The following PEX5 variants were observed in gnomAD, a reference collection of about 807,000 sequenced individuals.
PEX5 encodes the protein PTS1 receptor.
A neutral mutation model predicts 82.9 loss-of-function variants in PEX5; 52 were observed. The observed-to-expected ratio is 0.63, with a 90% CI of 0.50 to 0.79. The LOEUF (loss-of-function observed/expected upper bound fraction) is 0.79, where lower values mean the gene tolerates loss of function less well. Ranked by LOEUF, PEX5 falls within the 30% of genes least tolerant of loss-of-function variation. The pLI, the probability that PEX5 is intolerant of heterozygous loss-of-function variation, is 0.00. For synonymous variants in PEX5, 300 were observed against 318.8 expected, an observed-to-expected ratio of 0.94 and a Z score of 0.63; for missense variants, 719 against 815.2, an observed-to-expected ratio of 0.88 and a Z score of 1.44.
At position 7,203,198 on chromosome 12, in the gene PEX5, G is replaced by A. The variant is rs879492173; in HGVS notation, c.847-234G>A. 0.61 allele frequency among the ~76,000 whole-genome samples: 37,366 copies of A among 61,278 alleles called. 12,841 individuals carry two copies. Among genetic ancestry groups the A allele is most frequent in the Non-Finnish European group, 0.71 (17,419 of 24,654 alleles). The allele number at this position is 61,278 out of a possible 152,430, so 40.2% of individuals were successfully genotyped here. On this transcript the variant is annotated intron_variant, in intron 9 of 15. Transcript: ENST00000675855. Reference sequence around the variant, plus strand: ...ACTAAACTATGCACTGCACTGCACTGCACTGCACTGCACTGCACTGCACTA... The same window carrying A: ...ACTAAACTATGCACTGCACTGCACTACACTGCACTGCACTGCACTGCACTA...
intron 6 of PEX5, 95 bp downstream of exon 6, chr12:7,199,208 TC>T (rs1185025574): frequency 2.7e-5 from 15 of 552,732 alleles, no homozygotes; most frequent in South Asian, 5.5e-5. Context: ...CTTACTTTAT[TC>T]TTTTTTTTTT....
chr12:7,202,618 T>G lies in PEX5; in HGVS notation c.760T>G (p.Ser254Ala), dbSNP rs748822699. Residue 254 changes from serine (S) to alanine (A), a missense_variant, in exon 9 of 16, where the codon TCA becomes GCA. Physicochemically the swap from Ser to Ala is moderately conservative, Grantham distance 99. Coordinates refer to ENST00000675855, the MANE Select transcript of PEX5 (RefSeq NM_001351132.2). ...CCATCCTTTTTTGTCGCAGGGTACA[T>G]CAGATGCCTGGGTTGACCAGTTCAC... ...AAEFIQQQGT[S>A]DAWVDQFTRP... The G allele has an allele frequency of 1.2e-6, 2 of 1,613,950 alleles. No individual in the cohort carries two copies. Among genetic ancestry groups the G allele is most frequent in the South Asian group, 2.2e-5 (2 of 91,078 alleles).
At position 7,207,736 on chromosome 12, in the gene PEX5, G is replaced by A. The variant is rs746001175; in HGVS notation, c.1044G>A (p.Glu348=). The change falls in exon 11 of 16, where the codon GAG becomes GAA. Residue 348 remains glutamate, a synonymous_variant. Coordinates refer to ENST00000675855, the MANE Select transcript of PEX5 (RefSeq NM_001351132.2). ...PFEEGLRRLQ[E]GDLPNAVLLF... ...AAGAAGGGCTGCGGCGCCTTCAGGA[G>A]GGGGACCTGCCAAATGCTGTGCTGC... The A allele has an allele frequency of 4.3e-6, 7 of 1,614,140 alleles. No individual in the cohort carries two copies. The highest frequency in any genetic ancestry group is 3.4e-6 in the Non-Finnish European group (4 of 1,179,998).
At chr12:7,201,992 C>T in intron 7 of PEX5, 151 bp downstream of exon 7, 1 of 752,624 alleles carries the variant, frequency 1.3e-6, no homozygotes. Flanking sequence ...TAAGATCCTG[C>T]CTCTTCCTTC....
At chr12:7,206,793 C>T (rs1332613273) in intron 10 of PEX5, among the ~76,000 whole-genome samples, 1 of 152,104 alleles carries the variant, frequency 6.6e-6, no homozygotes, top group African/African-American at 2.4e-5. Context: ...TTAGAAAGAC[C>T]TCCACCTGTT....
At chr12:7,202,041 T>G (rs1944133149) in intron 7 of PEX5, 200 bp downstream of exon 7, 4 of 841,248 alleles carry the variant, frequency 4.8e-6, no homozygotes, top group Non-Finnish European at 7.7e-6. Flanking sequence ...ACTAACTCTT[T>G]TTTCTGATGC....
At chr12:7,218,344 C>T (rs1248341203) in intron 17 of PEX5, 1 of 152,142 alleles carries the variant, frequency 6.6e-6, no homozygotes, top group African/African-American at 2.4e-5. Flanking sequence ...TCAAAGTTTC[C>T]TCAAGTGGAA....
intron 7 of PEX5, 134 bp from the exon 8 acceptor site, chr12:7,202,107 G>C: frequency 7.2e-7 from 1 of 1,379,942 alleles, no homozygotes; most frequent in Non-Finnish European, 1.0e-6. Context: ...ACCTCTTTTA[G>C]GGTCTTTAGC....
downstream of PEX5, among the ~76,000 whole-genome samples, chr12:7,215,145 TAAATG>T (rs1945742808): frequency 1.3e-5 from 2 of 152,062 alleles, no homozygotes; most frequent in Admixed American, 6.5e-5. Flanking sequence ...GGTCAACAAA[TAAATG>T]AAAAAATGCT....
At chr12:7,200,594 G>T (rs1943710533) in intron 6 of PEX5, among the ~76,000 whole-genome samples, 1 of 152,188 alleles carries the variant, frequency 6.6e-6, no homozygotes, top group African/African-American at 2.4e-5. Flanking sequence ...CTCCAGCCTG[G>T]GCACCATTGA....
At chr12:7,197,806 C>T (rs1164763178) in intron 5 of PEX5, among the ~76,000 whole-genome samples, 1 of 151,932 alleles carries the variant, frequency 6.6e-6, no homozygotes, top group East Asian at 1.9e-4. Context: ...ATTTTCACAC[C>T]CCTGCCCAAA....
chr12:7,196,250 T>A (rs142421129), intron 5 of PEX5, among the ~76,000 whole-genome samples: 89 of 16,594 alleles, frequency 5.4e-3, no homozygotes, highest in South Asian at 7.0e-3. Context: ...TATGTCATAT[T>A]TAATTATATA....
At chr12:7,197,329 A>G (rs1183244100) in intron 5 of PEX5, among the ~76,000 whole-genome samples, 2 of 130,548 alleles carry the variant, frequency 1.5e-5, no homozygotes, top group African/African-American at 6.0e-5. Flanking sequence ...GTCATATACA[A>G]TGTAATAATT....
downstream of PEX5, chr12:7,211,544 T>TCAA (rs1461719627): frequency 6.6e-5 from 10 of 152,260 alleles, no homozygotes; most frequent in Non-Finnish European, 1.3e-4. Context: ...GGACTGGGAT[T>TCAA]CAACAGTTTC....
chr12:7,197,255 GTAA>G (rs1472826227), intron 5 of PEX5, among the ~76,000 whole-genome samples: 45 of 64,384 alleles, frequency 7.0e-4, no homozygotes, highest in East Asian at 2.0e-3. Flanking sequence ...TATGTCATAT[GTAA>G]TAATTATATA....
At chr12:7,189,012 C>T (rs1940409671), upstream of PEX5, 2 of 152,206 alleles carry the variant, frequency 1.3e-5, no homozygotes, top group African/African-American at 4.8e-5. Flanking sequence ...CACTGTTCAC[C>T]TTCCCTGTAC....
At chr12:7,202,746 C>G in intron 9 of PEX5, 42 bp downstream of exon 9, 1 of 1,367,816 alleles carries the variant, frequency 7.3e-7, no homozygotes, top group East Asian at 2.3e-5. Flanking sequence ...CAAAAGAAAA[C>G]ACTCCTTGGA....
rs751798701 is a variant in PEX5, at chr12:7,210,204, T to G, written c.1901T>G (p.Met634Arg). Residue 634 changes from methionine (M) to arginine (R), a missense_variant, in exon 16 of 16, where the codon ATG (methionine) becomes AGG (arginine). By Grantham distance (91) the Met-to-Arg change is moderately conservative. Transcript: ENST00000675855. ...DARDLSTLLT[M>R]FGLPQ is the part of the protein sequence containing the mutation. ...CGGGATCTGTCCACCCTCCTAACTA[T>G]GTTTGGCCTGCCCCAGTGACAGTGG... 2 of 1,614,134 alleles carry G rather than the reference T, an allele frequency of 1.2e-6. No homozygotes were observed. Among genetic ancestry groups the G allele is most frequent in the Non-Finnish European group, 1.7e-6 (2 of 1,180,016 alleles).
chr12:7,216,754 C>T (rs187311688), intron 17 of PEX5, among the ~76,000 whole-genome samples: 122 of 152,242 alleles, frequency 8.0e-4, no homozygotes, highest in Non-Finnish European at 1.1e-3. Flanking sequence ...TTAGTCTTTA[C>T]GTGACTATTA....
Sources: gnomAD v4.1 joint callset for allele counts (sites outside exome capture counted in the v4.1 genomes callset) on GRCh38, gnomAD v4.1.1 for gene constraint, MANE v1.5 for transcripts, NCBI Gene and HGNC (gene_info 2026-07-23, HGNC 2026-07-21) for gene names.